The following CLCN6 variants were observed in gnomAD, a reference collection of about 807,000 sequenced individuals.
CLCN6 encodes Cl-/H+ antiporter 6.
Under a neutral mutation model 109.8 loss-of-function variants are expected in CLCN6, and 70 were observed. The observed-to-expected ratio is 0.64, with a 90% CI of 0.53 to 0.78. CLCN6 has a LOEUF of 0.78. Ranked by LOEUF, CLCN6 falls within the 30% of genes least tolerant of loss-of-function variation. The pLI, the probability that CLCN6 is intolerant of heterozygous loss-of-function variation, is 0.00. For synonymous variants in CLCN6, 444 were observed against 447.8 expected, an observed-to-expected ratio of 0.99 and a Z score of 0.11; for missense variants, 984 against 1,142.3, an observed-to-expected ratio of 0.86 and a Z score of 2.00.
intron 2 of CLCN6, among the ~76,000 whole-genome samples, chr1:11,813,274 T>C (rs1241638773): frequency 6.6e-6 from 1 of 152,238 alleles, no homozygotes; most frequent in African/African-American, 2.4e-5. Context: ...GGGAAGCTTT[T>C]CCTCTTGGCC....
At chr1:11,817,318 G>T (rs1397335293) in intron 4 of CLCN6, among the ~76,000 whole-genome samples, 1 of 152,194 alleles carries the variant, frequency 6.6e-6, no homozygotes, top group Admixed American at 6.5e-5. Flanking sequence ...TTAGCACAGC[G>T]TGCCAGTGAA....
In CLCN6 at chr1:11,827,339, C is replaced by T. The variant is rs1424043639; in HGVS notation, c.840+118C>T. ...ACTGGGGGGTCAACTGGATCAGAAA[C>T]AGCTTTCCTCTTGTGCCCATAACCT... On this transcript the variant is annotated intron_variant, in intron 10 of 22. Transcript: ENST00000346436. 63 of 1,047,486 alleles carry T rather than the reference C, an allele frequency of 6.0e-5. No individual in the cohort carries two copies. The East Asian group carries it at 1.2e-3, about 19-fold the overall frequency. 64.9% of individuals were successfully genotyped at this position (1,047,486 alleles called of 1,614,324 possible).
intron 2 of CLCN6, among the ~76,000 whole-genome samples, chr1:11,808,682 CTTT>C (rs35849926): frequency 7.3e-6 from 1 of 136,310 alleles, no homozygotes. Flanking sequence ...CTTCCTTCAT[CTTT>C]TTTTTTTTTT....
chr1:11,841,302 T>C lies in CLCN6; in HGVS notation c.*1079T>C, dbSNP rs1645019759. ...CTCCCCTGCACTAGCTGTCCCAAGCTTACATACAGAGGCCCTTCAGGAGGG... is the reference window on the plus strand; with the variant it reads ...CTCCCCTGCACTAGCTGTCCCAAGCCTACATACAGAGGCCCTTCAGGAGGG... On this transcript the variant is annotated 3_prime_UTR_variant, in exon 23 of 23. Coordinates refer to ENST00000346436, the MANE Select transcript of CLCN6 (RefSeq NM_001286.5). 6.6e-6 allele frequency: 1 copy of C among 152,658 alleles called. No individual in the cohort carries two copies. Among genetic ancestry groups the C allele is most frequent in the Non-Finnish European group, 1.5e-5 (1 of 68,050 alleles). 9.5% of individuals were successfully genotyped at this position (152,658 alleles called of 1,614,324 possible).
intron 2 of CLCN6, among the ~76,000 whole-genome samples, chr1:11,813,767 C>T (rs1400594738): frequency 1.3e-5 from 2 of 152,174 alleles, no homozygotes; most frequent in Non-Finnish European, 2.9e-5. Flanking sequence ...ACAAATATCT[C>T]CTTAAGCACT....
chr1:11,831,665 A>G (rs1448060412), intron 13 of CLCN6, among the ~76,000 whole-genome samples: 2 of 152,208 alleles, frequency 1.3e-5, no homozygotes, highest in Non-Finnish European at 2.9e-5. Flanking sequence ...CTGTGGTCAA[A>G]TGGGCTAGGA....
chr1:11,837,575 G>A (rs533884127), intron 20 of CLCN6, 76 bp downstream of exon 20: 97 of 1,445,418 alleles, frequency 6.7e-5, no homozygotes, highest in Admixed American at 4.2e-4. Flanking sequence ...CCGGCGGGCC[G>A]TGAACAGTGC....
In CLCN6 at chr1:11,814,247, C is replaced by CTTTTTT. The variant is rs1197587407; in HGVS notation, c.148-1586_148-1581dup. Among the ~76,000 whole-genome samples the CTTTTTT allele has an allele frequency of 5.0e-3, 657 of 131,164 alleles. 10 individuals carry two copies. The highest frequency in any genetic ancestry group is 0.016 in the African/African-American group (585 of 35,672). The allele number at this position is 131,164 out of a possible 152,430, so 86.0% of individuals were successfully genotyped here. A position where few individuals can be genotyped will look rare whatever the true frequency, so the allele number is the denominator to read the frequency against. Reference sequence around the variant, plus strand: ...TTTCTTTGTTGCCAAACTGCTGCGTCTTTTTTTTTTTTTTTTTTGAGAGTG... The same window carrying CTTTTTT: ...TTTCTTTGTTGCCAAACTGCTGCGTCTTTTTTTTTTTTTTTTTTTTTTTTGAGAGTG... On this transcript the variant is annotated intron_variant, in intron 2 of 22. Coordinates refer to ENST00000346436, the MANE Select transcript of CLCN6 (RefSeq NM_001286.5).
intron 4 of CLCN6, among the ~76,000 whole-genome samples, chr1:11,817,899 C>G (rs1417021662): frequency 6.6e-6 from 1 of 151,756 alleles, no homozygotes; most frequent in Admixed American, 6.6e-5. Flanking sequence ...ATTCAGAAGC[C>G]CTCTTCAGTG....
intron 9 of CLCN6, 21 bp downstream of exon 9, chr1:11,826,235 G>T (rs769663221): frequency 6.2e-7 from 1 of 1,607,218 alleles, no homozygotes; most frequent in South Asian, 1.1e-5. Context: ...GTTAGAAATT[G>T]GTTTCTTTTT....
chr1:11,820,823 T>A (rs1049516903), intron 5 of CLCN6: 1 of 153,600 alleles, frequency 6.5e-6, no homozygotes, highest in African/African-American at 2.5e-5. Context: ...GCCTGTAATC[T>A]CAGGACTTTG....
rs770239210 is a variant in CLCN6 at position 11,836,091 on chromosome 1, C to A, written c.1918C>A (p.Arg640Ser). The part of the protein sequence containing the change: ...HHAFPVVTEN[R>S]GNEKEFMKGN... Reference sequence around the variant, plus strand: ...TGCCTTCCCGGTGGTCACAGAGAACCGCGGTAACGAGAAGGAGTTCATGAA... The same window carrying A: ...TGCCTTCCCGGTGGTCACAGAGAACAGCGGTAACGAGAAGGAGTTCATGAA... Residue 640 changes from arginine (R) to serine (S), a missense_variant, in exon 18 of 23, where the codon CGC (arginine) becomes AGC (serine). Arg to Ser is a moderately radical substitution (Grantham distance 110). Transcript: ENST00000346436. 6 of 1,613,734 alleles carry A rather than the reference C, an allele frequency of 3.7e-6. No individual in the cohort carries two copies. The highest frequency in any genetic ancestry group is 1.3e-5 in the African/African-American group (1 of 74,862).
intron 2 of CLCN6, among the ~76,000 whole-genome samples, chr1:11,810,431 C>G (rs1394183542): frequency 6.6e-6 from 1 of 152,100 alleles, no homozygotes; most frequent in Non-Finnish European, 1.5e-5. Flanking sequence ...AAGGCCTCCC[C>G]CACTGGCCAT....
intron 2 of CLCN6, among the ~76,000 whole-genome samples, chr1:11,814,786 A>G (rs1219504344): frequency 6.6e-6 from 1 of 151,958 alleles, no homozygotes; most frequent in Non-Finnish European, 1.5e-5. Context: ...TAATCCCAGC[A>G]CTTTGGGAGG....
In CLCN6 at chr1:11,837,327, G is replaced by T; in HGVS notation, c.2139-16G>T. Reference sequence around the variant, plus strand: ...GCTGAGGGTATCCCAGGCAGCATCTGGTTTTTGTGTAACAGATACACTCCC... The same window carrying T: ...GCTGAGGGTATCCCAGGCAGCATCTTGTTTTTGTGTAACAGATACACTCCC... On this transcript the variant is annotated splice_polypyrimidine_tract_variant and intron_variant, in intron 19 of 22. Transcript: ENST00000346436. 1 of 1,602,414 alleles carries T rather than the reference G, an allele frequency of 6.2e-7. No individual in the cohort carries two copies. Among genetic ancestry groups the T allele is most frequent in the Non-Finnish European group, 8.5e-7 (1 of 1,170,442 alleles).
intron 2 of CLCN6, among the ~76,000 whole-genome samples, chr1:11,809,561 T>A (rs1382263613): frequency 6.6e-6 from 1 of 152,084 alleles, no homozygotes; most frequent in Non-Finnish European, 1.5e-5. Flanking sequence ...GAGTTCAAGC[T>A]GTTCTCCTAC....
intron 2 of CLCN6, among the ~76,000 whole-genome samples, chr1:11,813,453 C>T (rs1406934160): frequency 6.6e-6 from 1 of 150,938 alleles, no homozygotes; most frequent in Non-Finnish European, 1.5e-5. Context: ...TGCAGTAGCA[C>T]AATCTCGGCT....
rs374916415 is a variant in CLCN6, at chr1:11,838,615, A to G, written c.2484A>G (p.Arg828=). The part of the protein sequence containing the change: ...THVSQVFNLF[R]TMGLRHLPVV... The stretch of plus-strand genomic sequence containing the variant: ...TCTCCCAAGTCTTCAACCTGTTCAG[A>G]ACGATGGGCCTGCGCCACCTGCCCG... Residue 828 remains arginine (R), a synonymous_variant, in exon 22 of 23, where the codon AGA becomes AGG. Transcript: ENST00000346436. 22 of 1,614,026 alleles carry G rather than the reference A, an allele frequency of 1.4e-5. No homozygotes were observed. Among genetic ancestry groups the G allele is most frequent in the Non-Finnish European group, 1.8e-5 (21 of 1,180,038 alleles).
chr1:11,820,091 C>T (rs1440246706), intron 5 of CLCN6, among the ~76,000 whole-genome samples: 3 of 152,192 alleles, frequency 2.0e-5, no homozygotes, highest in African/African-American at 7.2e-5. Flanking sequence ...TCCTCACATA[C>T]ATGGAACTTT....
Sources: allele counts gnomAD v4.1 joint callset (sites outside exome capture counted in the v4.1 genomes callset), GRCh38; gene constraint gnomAD v4.1.1; transcripts MANE v1.5; gene names NCBI Gene and HGNC (gene_info 2026-07-23, HGNC 2026-07-21).